Variants in SEMA3A observed in about 807,000 individuals in gnomAD.
The protein encoded by SEMA3A is semaphorin-3A.
SEMA3A carries 29 observed loss-of-function variants against 97.9 expected under a neutral mutation model. The observed-to-expected ratio is 0.30, with a 90% confidence interval of 0.22 to 0.40. SEMA3A has a LOEUF of 0.40. Ranked by LOEUF, SEMA3A falls within the 10% of genes least tolerant of loss-of-function variation. The pLI is 1.00. For synonymous variants in SEMA3A, 321 were observed against 323.7 expected (o/e 0.99, Z 0.09); for missense variants, 763 against 951.3 (o/e 0.80, Z 2.60).
At chr7:84,419,716 C>T (rs1804533469) in intron 1 of SEMA3A, among the ~76,000 whole-genome samples, 1 of 152,058 alleles carries the variant, frequency 6.6e-6, no homozygotes, top group South Asian at 2.1e-4. Context: ...AGATCATAAG[C>T]TTTCACATCT....
chr7:84,169,527 A>AATT (rs1488458419), intron 1 of SEMA3A, among the ~76,000 whole-genome samples: 1 of 148,768 alleles, frequency 6.7e-6, no homozygotes, highest in African/African-American at 2.4e-5. Flanking sequence ...TTTCCATATA[A>AATT]ATTATTATAT....
At chr7:84,416,431 C>A (rs1382324235) in intron 1 of SEMA3A, among the ~76,000 whole-genome samples, 2 of 152,032 alleles carry the variant, frequency 1.3e-5, no homozygotes, top group African/African-American at 4.8e-5. Context: ...TGTTTATGAG[C>A]AGTGTGAAAA....
intron 14 of SEMA3A, among the ~76,000 whole-genome samples, chr7:83,980,603 C>CAAAAAAAAAAAA (rs749889921): frequency 2.6e-4 from 14 of 53,960 alleles, no homozygotes; most frequent in Non-Finnish European, 4.0e-4. Context: ...GACTCCATCT[C>CAAAAAAAAAAAA]AAAAAAAAAA....
intron 1 of SEMA3A, among the ~76,000 whole-genome samples, chr7:84,141,839 A>G (rs1297035107): frequency 6.6e-6 from 1 of 152,086 alleles, no homozygotes; most frequent in Non-Finnish European, 1.5e-5. Flanking sequence ...CTCCAACTCC[A>G]TCCATGTCCC....
At chr7:84,073,495 T>A (rs1234103691) in intron 4 of SEMA3A, among the ~76,000 whole-genome samples, 3 of 152,038 alleles carry the variant, frequency 2.0e-5, no homozygotes, top group Admixed American at 2.0e-4. Context: ...GGAAAATAAA[T>A]GTGGGGGCCA....
At chr7:84,425,547 T>A (rs910365233) in intron 1 of SEMA3A, among the ~76,000 whole-genome samples, 1 of 145,066 alleles carries the variant, frequency 6.9e-6, no homozygotes, top group African/African-American at 2.5e-5. Flanking sequence ...TTTATATGAA[T>A]ATAAACATAT....
chr7:84,140,445 G>A (rs1295867534), intron 1 of SEMA3A, among the ~76,000 whole-genome samples: 1 of 151,972 alleles, frequency 6.6e-6, no homozygotes, highest in Non-Finnish European at 1.5e-5. Flanking sequence ...ATATTTCTCT[G>A]TCTCTCTTTT....
intron 3 of SEMA3A, among the ~76,000 whole-genome samples, chr7:84,248,663 C>G (rs1799530053): frequency 6.6e-6 from 1 of 151,990 alleles, no homozygotes; most frequent in African/African-American, 2.4e-5. Context: ...CAGTGATTGT[C>G]TATAGTGTTA....
intron 12 of SEMA3A, among the ~76,000 whole-genome samples, chr7:83,988,993 A>C (rs1584511123): frequency 1.3e-5 from 2 of 151,852 alleles, no homozygotes. Context: ...GACTGTATTT[A>C]GGTTTGTACA....
intron 2 of SEMA3A, among the ~76,000 whole-genome samples, chr7:84,324,744 T>C (rs1202836132): frequency 6.6e-6 from 1 of 152,060 alleles, no homozygotes. Context: ...TTGTGAAAAA[T>C]ACATACCAAA....
At chr7:84,311,779 T>C (rs1310580239) in intron 2 of SEMA3A, among the ~76,000 whole-genome samples, 4 of 152,006 alleles carry the variant, frequency 2.6e-5, no homozygotes, top group Non-Finnish European at 4.4e-5. Flanking sequence ...AGTTGTGCAA[T>C]TGAAACCTTT....
chr7:84,128,976 C>A, intron 3 of SEMA3A, 147 bp downstream of exon 3: 1 of 626,472 alleles, frequency 1.6e-6, no homozygotes, highest in Non-Finnish European at 2.8e-6. Flanking sequence ...TGGGTTCTAT[C>A]CTAAAGATAT....
At chr7:84,269,876 A>G (rs892270584) in intron 3 of SEMA3A, among the ~76,000 whole-genome samples, 2 of 152,156 alleles carry the variant, frequency 1.3e-5, no homozygotes, top group Non-Finnish European at 2.9e-5. Flanking sequence ...ATATAAACAC[A>G]TTAAGTAATC....
chr7:84,125,774 G>A (rs1795775473), intron 3 of SEMA3A, among the ~76,000 whole-genome samples: 1 of 152,106 alleles, frequency 6.6e-6, no homozygotes, highest in African/African-American at 2.4e-5. Context: ...GCCTTGAGGT[G>A]AATAATTTTA....
intron 1 of SEMA3A, among the ~76,000 whole-genome samples, chr7:84,441,796 A>T (rs1357700701): frequency 6.6e-6 from 1 of 152,224 alleles, no homozygotes; most frequent in Non-Finnish European, 1.5e-5. Flanking sequence ...AATAGATGTG[A>T]CTGGTCCTAC....
chr7:84,059,764 A>T (rs1285200092), intron 5 of SEMA3A, among the ~76,000 whole-genome samples: 1 of 151,960 alleles, frequency 6.6e-6, no homozygotes, highest in Non-Finnish European at 1.5e-5. Context: ...CTCAAAATTT[A>T]AAAAATAAAA....
intron 2 of SEMA3A, among the ~76,000 whole-genome samples, chr7:84,342,388 G>A (rs981891625): frequency 1.3e-5 from 2 of 151,886 alleles, no homozygotes; most frequent in African/African-American, 4.8e-5. Flanking sequence ...TTTTGTGATT[G>A]TTTATTTAAC....
rs553754546 is a variant in SEMA3A, at chr7:84,071,760, A to AT, written c.454-11203dup. Among the ~76,000 whole-genome samples the AT allele has an allele frequency of 5.2e-3, 797 of 152,018 alleles. 7 individuals carry two copies. The highest frequency in any genetic ancestry group is 0.017 in the African/African-American group (718 of 41,462). Reference sequence around the variant, plus strand: ...ATGCATGTATTCCTTTTTTTATTAGATTTTTTTAAAGGTGAGGGACAAATC... The same window carrying AT: ...ATGCATGTATTCCTTTTTTTATTAGATTTTTTTTAAAGGTGAGGGACAAATC... On this transcript the variant is annotated intron_variant, in intron 4 of 16. Coordinates refer to ENST00000265362, the MANE Select transcript of SEMA3A (RefSeq NM_006080.3).
intron 6 of SEMA3A, among the ~76,000 whole-genome samples, chr7:84,028,136 T>C (rs1188555807): frequency 6.6e-6 from 1 of 152,166 alleles, no homozygotes; most frequent in Non-Finnish European, 1.5e-5. Context: ...AGACACACGA[T>C]ACATTGCAGT....
Sources: allele counts gnomAD v4.1 joint callset (sites outside exome capture counted in the v4.1 genomes callset), GRCh38; gene constraint gnomAD v4.1.1; transcripts MANE v1.5; gene names NCBI Gene and HGNC (gene_info 2026-07-23, HGNC 2026-07-21).